CD300LF: variants seen among roughly 807,000 people sequenced by gnomAD.
CD300LF encodes the protein CMRF35-like molecule 1.
In CD300LF, 27 loss-of-function variants were observed where a neutral mutation model predicts 32.2. That is an observed-to-expected ratio of 0.84 (90% CI 0.62 to 1.15). The LOEUF (loss-of-function observed/expected upper bound fraction) is 1.15, where lower values mean the gene tolerates loss of function less well. Ranked by LOEUF, CD300LF falls within the 50% of genes most tolerant of loss-of-function variation. The pLI is 0.00. For synonymous variants in CD300LF, 139 were observed against 143.2 expected (o/e 0.97, Z 0.21); for missense variants, 348 against 356.8 (o/e 0.98, Z 0.20).
chr17:74,695,205 C>T lies in CD300LF; in HGVS notation c.764G>A (p.Gly255Asp), dbSNP rs2032312568. Residue 255 changes from glycine to aspartate, a missense_variant, in exon 7 of 7, where the codon GGT (glycine) becomes GAT (aspartate). Coordinates refer to ENST00000326165, the MANE Select transcript of CD300LF (RefSeq NM_139018.5). ...GTAGGTCGGTTCCTGATCCTCAGCA[C>T]CCAAGGTCAGAGATGCATAGGAAAT... ...EDISYASLTL[G>D]AEDQEPTYCN... is the part of the protein sequence containing the mutation. The T allele has an allele frequency of 1.2e-6, 2 of 1,614,014 alleles. No individual in the cohort carries two copies. The highest frequency in any genetic ancestry group is 1.7e-5 in the Admixed American group (1 of 60,002).
intron 2 of CD300LF, among the ~76,000 whole-genome samples, chr17:74,704,062 G>C (rs1401674523): frequency 6.6e-6 from 1 of 152,118 alleles, no homozygotes; most frequent in Non-Finnish European, 1.5e-5. Context: ...TGGGAGATGG[G>C]AACAGCAGCT....
At chr17:74,705,134 C>T in intron 1 of CD300LF, 1 of 680,412 alleles carries the variant, frequency 1.5e-6, no homozygotes, top group Non-Finnish European at 2.7e-6. Context: ...TGTCCTTTTG[C>T]AGCCATCTTT....
At chr17:74,710,687 C>T (rs2033884793) in intron 1 of CD300LF, among the ~76,000 whole-genome samples, 3 of 149,404 alleles carry the variant, frequency 2.0e-5, no homozygotes, top group Admixed American at 1.3e-4. Flanking sequence ...GGTAAAACCC[C>T]ATCTCTACTA....
intron 1 of CD300LF, among the ~76,000 whole-genome samples, chr17:74,712,321 C>G (rs2034023383): frequency 6.6e-6 from 1 of 152,174 alleles, no homozygotes; most frequent in East Asian, 1.9e-4. Flanking sequence ...CTCCTCTTGA[C>G]CTTTCCGTCC....
At position 74,707,647 on chromosome 17, in the gene CD300LF, G is replaced by A. The variant is rs147659037; in HGVS notation, c.44-2831C>T. 9.0e-4 allele frequency among the ~76,000 whole-genome samples: 137 copies of A among 151,914 alleles called. 4 individuals are homozygous for A. In the East Asian group the frequency reaches 0.022, roughly 25 times the overall value. The stretch of plus-strand genomic sequence containing the variant: ...GGAGAATCGTCTGAACCTGGGAGGC[G>A]GAGGTTGCAGTGAGCCAAGATCGTG... On this transcript the variant is annotated intron_variant, in intron 1 of 6. Coordinates refer to ENST00000326165, the MANE Select transcript of CD300LF (RefSeq NM_139018.5).
chr17:74,695,578 G>A (rs2032369073), intron 6 of CD300LF, 147 bp downstream of exon 6: 2 of 1,169,014 alleles, frequency 1.7e-6, no homozygotes, highest in South Asian at 1.5e-5. Context: ...GAGCTCCTAG[G>A]CGAGTCCTGC....
intron 6 of CD300LF, 63 bp from the exon 7 acceptor site, chr17:74,695,314 G>A (rs144892856): frequency 0.012 from 19,662 of 1,589,348 alleles, 154 homozygotes; most frequent in Non-Finnish European, 0.016. Context: ...CGGGGCAGAG[G>A]AGCCCTCGGA....
chr17:74,703,977 C>A (rs143578510), intron 2 of CD300LF, among the ~76,000 whole-genome samples: 1 of 152,330 alleles, frequency 6.6e-6, no homozygotes, highest in East Asian at 1.9e-4. Flanking sequence ...CTGTGAAGAC[C>A]TTTCTGGACT....
rs753897519 is a variant in CD300LF, at chr17:74,695,688, T to C, written c.717+37A>G. On this transcript the variant is annotated intron_variant, in intron 6 of 6. Transcript: ENST00000326165. ...GTGCAACGGCAGGCCTGTGTCCCCC[T>C]GCCCCAGCCTCACAGCAGCCCCCAT... 9.9e-6 allele frequency: 16 copies of C among 1,613,172 alleles called. No homozygotes were observed. In the East Asian group the frequency reaches 3.3e-4, roughly 34 times the overall value.
At chr17:74,705,107 C>G (rs901943332) in intron 1 of CD300LF, 1 of 670,324 alleles carries the variant, frequency 1.5e-6, no homozygotes, top group Non-Finnish European at 2.8e-6. Context: ...CCAAGGTAAT[C>G]TGTATATTTC....
intron 4 of CD300LF, 33 bp from the exon 5 acceptor site, chr17:74,696,250 G>T (rs1348265780): frequency 1.3e-6 from 2 of 1,594,476 alleles, no homozygotes; most frequent in Non-Finnish European, 1.7e-6. Context: ...GAATTAGAAA[G>T]CCCATTCCCC....
At chr17:74,711,404 G>T (rs533520948) in intron 1 of CD300LF, among the ~76,000 whole-genome samples, 2 of 152,270 alleles carry the variant, frequency 1.3e-5, no homozygotes, top group African/African-American at 4.8e-5. Flanking sequence ...CTGTGCCAAT[G>T]CATTTCATAA....
chr17:74,712,572 A>G (rs2034045936), intron 1 of CD300LF, among the ~76,000 whole-genome samples: 1 of 152,246 alleles, frequency 6.6e-6, no homozygotes, highest in African/African-American at 2.4e-5. Flanking sequence ...GGCGGGGCCT[A>G]CAGTCTGTCC....
intron 5 of CD300LF, 29 bp downstream of exon 5, chr17:74,696,166 C>T: frequency 6.3e-7 from 1 of 1,592,156 alleles, no homozygotes; most frequent in Non-Finnish European, 8.5e-7. Flanking sequence ...TGCCTGGTCT[C>T]TCTGGTCCGA....
intron 3 of CD300LF, among the ~76,000 whole-genome samples, chr17:74,700,811 C>A (rs1334269797): frequency 3.3e-5 from 5 of 152,188 alleles, no homozygotes; most frequent in Admixed American, 2.0e-4. Context: ...CACCACCACC[C>A]CCCCACCCCA....
In CD300LF at chr17:74,695,001, C is replaced by A. The variant is rs568403034; in HGVS notation, c.*95G>T. On this transcript the variant is annotated 3_prime_UTR_variant, in exon 7 of 7. Coordinates refer to ENST00000326165, the MANE Select transcript of CD300LF (RefSeq NM_139018.5). ...CTGATCAGGCAGAGGCACCAGTCCC[C>A]GGGTTGGTCCTGATGAGGGGAGCAG... 1.5e-6 allele frequency: 2 copies of A among 1,360,122 alleles called. No homozygotes were observed. Among genetic ancestry groups the A allele is most frequent in the Non-Finnish European group, 2.0e-6 (2 of 994,796 alleles). 84.3% of individuals were successfully genotyped at this position (1,360,122 alleles called of 1,614,324 possible). A position where few individuals can be genotyped will look rare whatever the true frequency, so the allele number is the denominator to read the frequency against.
At position 74,695,720 on chromosome 17, in the gene CD300LF, C is replaced by G; in HGVS notation, c.717+5G>C. The G allele has an allele frequency of 6.2e-7, 1 of 1,614,076 alleles. No homozygotes were observed. Among genetic ancestry groups the G allele is most frequent in the Non-Finnish European group, 8.5e-7 (1 of 1,179,994 alleles). On this transcript the variant is annotated splice_donor_5th_base_variant and intron_variant, in intron 6 of 6. Transcript: ENST00000326165. ...GCCTCACAGCAGCCCCCATGGAGGA[C>G]GCACCATGGTGACATATTCCACTTC...
Position 74,695,196 on chromosome 17 carries a change from T to C in CD300LF, c.773A>G (p.Asp258Gly), listed in dbSNP as rs1004484086. ...SYASLTLGAE[D>G]QEPTYCNMGH... Reference sequence around the variant, plus strand: ...CATGTTGCAGTAGGTCGGTTCCTGATCCTCAGCACCCAAGGTCAGAGATGC... The same window carrying C: ...CATGTTGCAGTAGGTCGGTTCCTGACCCTCAGCACCCAAGGTCAGAGATGC... The change falls in exon 7 of 7, where the codon GAT becomes GGT. Residue 258 changes from aspartate to glycine, a missense_variant. By Grantham distance (94) the Asp-to-Gly change is moderately conservative (BLOSUM62 -1). Transcript: ENST00000326165. The C allele has an allele frequency of 6.2e-7, 1 of 1,614,040 alleles. No homozygotes were observed. The highest frequency in any genetic ancestry group is 2.2e-5 in the East Asian group (1 of 44,880).
chr17:74,701,690 G>A (rs1430658723), intron 3 of CD300LF, among the ~76,000 whole-genome samples: 1 of 151,866 alleles, frequency 6.6e-6, no homozygotes, highest in African/African-American at 2.4e-5. Flanking sequence ...AAACCCCATC[G>A]CTACTAAAAA....
Sources: gnomAD v4.1 joint callset for allele counts (sites outside exome capture counted in the v4.1 genomes callset) on GRCh38, gnomAD v4.1.1 for gene constraint, MANE v1.5 for transcripts, NCBI Gene and HGNC (gene_info 2026-07-23, HGNC 2026-07-21) for gene names.